Variants in ZCWPW2 observed in about 807,000 individuals in gnomAD.
The protein encoded by ZCWPW2 is zinc finger CW-type and PWWP domain containing 2, also known as zinc finger CW-type PWWP domain protein 2.
ZCWPW2 carries 45 observed loss-of-function variants against 46.6 expected under a neutral mutation model. That is an observed-to-expected ratio of 0.96 (90% CI 0.76 to 1.24). ZCWPW2 has a LOEUF of 1.24. Among genes scored for constraint, ZCWPW2 ranks in the 50% most tolerant of loss-of-function variants. The probability of loss-of-function intolerance (pLI) is 0.00; values close to 1 mark genes in which losing one functional copy is unlikely to be tolerated. For synonymous variants in ZCWPW2, 152 were observed against 137.1 expected, an observed-to-expected ratio of 1.11 and a Z score of -0.76; for missense variants, 429 against 403.9, an observed-to-expected ratio of 1.06 and a Z score of -0.53.
intron 1 of ZCWPW2, among the ~76,000 whole-genome samples, chr3:28,354,762 A>G (rs1206460726): frequency 4.1e-5 from 3 of 73,008 alleles, no homozygotes; most frequent in Admixed American, 1.9e-4. Context: ...CCATATGATT[A>G]TCTCAATAGA....
At chr3:28,450,973 A>G (rs1161648967) in intron 4 of ZCWPW2, among the ~76,000 whole-genome samples, 1 of 152,208 alleles carries the variant, frequency 6.6e-6, no homozygotes, top group Non-Finnish European at 1.5e-5. Flanking sequence ...TATTGTAGGT[A>G]GGACCAGTGG....
Position 28,413,083 on chromosome 3 carries a change from A to T in ZCWPW2, c.15A>T (p.Lys5Asn). 1 of 1,608,494 alleles carries T rather than the reference A, an allele frequency of 6.2e-7. No individual in the cohort carries two copies. The highest frequency in any genetic ancestry group is 8.5e-7 in the Non-Finnish European group (1 of 1,176,778). The change falls in exon 3 of 10, where the codon AAA becomes AAT. Residue 5 changes from lysine (K) to asparagine (N), a missense_variant. Coordinates refer to ENST00000383768, the MANE Select transcript of ZCWPW2 (RefSeq NM_001040432.4). ...TAAATGCCTTAATGGATAAAGAAAA[A>T]TTGGATGTTAAGATTGAATATTGTA... is the stretch of plus-strand genomic sequence containing the variant. MDKE[K>N]LDVKIEYCNY...
intron 1 of ZCWPW2, among the ~76,000 whole-genome samples, chr3:28,358,014 C>T (rs1003599972): frequency 6.6e-6 from 1 of 151,578 alleles, no homozygotes. Flanking sequence ...CTGAAATTAC[C>T]TTATTAATTA....
At chr3:28,435,033 A>C in intron 3 of ZCWPW2, 77 bp from the exon 4 acceptor site, 2 of 1,493,784 alleles carry the variant, frequency 1.3e-6, no homozygotes, top group Non-Finnish European at 9.1e-7. Flanking sequence ...GGAGGAAGTT[A>C]ATATGCGATT....
chr3:28,474,574 C>G (rs1699155636), intron 4 of ZCWPW2, among the ~76,000 whole-genome samples: 1 of 143,682 alleles, frequency 7.0e-6, no homozygotes, highest in Non-Finnish European at 1.5e-5. Flanking sequence ...TATTTCTTGC[C>G]TTTAAATACA....
At chr3:28,445,066 C>A (rs1222120466) in intron 4 of ZCWPW2, among the ~76,000 whole-genome samples, 2 of 151,696 alleles carry the variant, frequency 1.3e-5, no homozygotes, top group Non-Finnish European at 2.9e-5. Context: ...AGAGCTCCAT[C>A]CTTAATATTC....
At chr3:28,371,892 TTTC>T (rs1169811533) in intron 1 of ZCWPW2, among the ~76,000 whole-genome samples, 3 of 151,802 alleles carry the variant, frequency 2.0e-5, no homozygotes, top group Admixed American at 6.6e-5. Context: ...TCTTTGCCAG[TTTC>T]TTCTTCTCTT....
intron 1 of ZCWPW2, among the ~76,000 whole-genome samples, chr3:28,386,815 G>A (rs1413361051): frequency 6.6e-6 from 1 of 151,822 alleles, no homozygotes; most frequent in Admixed American, 6.6e-5. Context: ...TTTATTGTTG[G>A]CTCTTCTCTT....
intron 1 of ZCWPW2, among the ~76,000 whole-genome samples, chr3:28,349,926 T>A (rs996325865): frequency 6.6e-6 from 1 of 152,224 alleles, no homozygotes; most frequent in Non-Finnish European, 1.5e-5. Flanking sequence ...TTGGTTTTTT[T>A]ATTGTCTTTT....
chr3:28,368,899 T>G (rs902820550), intron 1 of ZCWPW2, among the ~76,000 whole-genome samples: 4 of 152,214 alleles, frequency 2.6e-5, no homozygotes, highest in Non-Finnish European at 4.4e-5. Context: ...CTCGCTTCCT[T>G]TCATTCATTT....
chr3:28,409,122 C>CTTTTTTTTTTTTTTTTTT (rs11328735), intron 2 of ZCWPW2, among the ~76,000 whole-genome samples: 1 of 82,324 alleles, frequency 1.2e-5, no homozygotes, highest in African/African-American at 5.1e-5. Context: ...TTTTCTTTTT[C>CTTTTTTTTTTTTTTTTTT]TTTTTTTTTT....
At chr3:28,475,463 T>C (rs562128734) in intron 4 of ZCWPW2, among the ~76,000 whole-genome samples, 15 of 152,294 alleles carry the variant, frequency 9.8e-5, no homozygotes, top group Middle Eastern at 6.8e-3. Flanking sequence ...ATCAAAGCAA[T>C]GAGAATGATT....
In ZCWPW2 at chr3:28,524,700, T is replaced by G; in HGVS notation, c.*12T>G. On this transcript the variant is annotated 3_prime_UTR_variant, in exon 10 of 10. Coordinates refer to ENST00000383768, the MANE Select transcript of ZCWPW2 (RefSeq NM_001040432.4). ...TGTCTGAGTTTTAGAACATTATACATTTTTCAAATTAATTATAAAAATATT... is the reference window on the plus strand; with the variant it reads ...TGTCTGAGTTTTAGAACATTATACAGTTTTCAAATTAATTATAAAAATATT... 1 of 1,459,836 alleles carries G rather than the reference T, an allele frequency of 6.9e-7. No homozygotes were observed. Among genetic ancestry groups the G allele is most frequent in the Non-Finnish European group, 9.1e-7 (1 of 1,096,988 alleles). The allele number at this position is 1,459,836 out of a possible 1,614,324, so 90.4% of individuals were successfully genotyped here.
In ZCWPW2 at chr3:28,414,492, A is replaced by G. The variant is rs565110892; in HGVS notation, c.332+1092A>G. On this transcript the variant is annotated intron_variant, in intron 3 of 9. Transcript: ENST00000383768. Reference sequence around the variant, plus strand: ...ATTATTGTACTTTAAGTTTTAGGGTACATGTGCACAACGTGCAGGTTTGTT... The same window carrying G: ...ATTATTGTACTTTAAGTTTTAGGGTGCATGTGCACAACGTGCAGGTTTGTT... 7.9e-5 allele frequency among the ~76,000 whole-genome samples: 12 copies of G among 151,932 alleles called. No homozygotes were observed. In the South Asian group the frequency reaches 2.3e-3, roughly 29 times the overall value.
At chr3:28,386,042 C>T (rs567270670) in intron 1 of ZCWPW2, among the ~76,000 whole-genome samples, 1 of 151,600 alleles carries the variant, frequency 6.6e-6, no homozygotes, top group Non-Finnish European at 1.5e-5. Context: ...TTTTGAAGAA[C>T]CAGCTTTTGC....
intron 1 of ZCWPW2, among the ~76,000 whole-genome samples, chr3:28,368,977 A>C (rs1012841424): frequency 9.2e-5 from 14 of 151,942 alleles, no homozygotes; most frequent in Non-Finnish European, 1.5e-4. Flanking sequence ...TGCATTCATC[A>C]CGTAGTTCTC....
At chr3:28,383,741 C>T (rs1695177464) in intron 1 of ZCWPW2, among the ~76,000 whole-genome samples, 1 of 152,056 alleles carries the variant, frequency 6.6e-6, no homozygotes, top group Admixed American at 6.5e-5. Context: ...AAAAGCCTCC[C>T]TCACATGAAC....
chr3:28,412,196 A>C (rs946030623), intron 2 of ZCWPW2, among the ~76,000 whole-genome samples: 1 of 151,770 alleles, frequency 6.6e-6, no homozygotes, highest in African/African-American at 2.4e-5. Context: ...GCCAATAATT[A>C]GTTCTACTTG....
Position 28,464,549 on chromosome 3 carries a change from C to A in ZCWPW2, c.493-14265C>A, listed in dbSNP as rs534561709. On this transcript the variant is annotated intron_variant, in intron 4 of 9. Coordinates refer to ENST00000383768, the MANE Select transcript of ZCWPW2 (RefSeq NM_001040432.4). ...AAAAAAATACTTCAAGCCCAGAGAG[C>A]ACCAATCCTAGATTGCCATAATAGA... Among the ~76,000 whole-genome samples the A allele has an allele frequency of 2.0e-5, 3 of 152,258 alleles. No homozygotes were observed. The South Asian group carries it at 6.2e-4, about 32-fold the overall frequency.
Sources: allele counts gnomAD v4.1 joint callset (sites outside exome capture counted in the v4.1 genomes callset), GRCh38; gene constraint gnomAD v4.1.1; transcripts MANE v1.5; gene names NCBI Gene and HGNC (gene_info 2026-07-23, HGNC 2026-07-21).